Variants in RSPO4 observed in about 807,000 individuals in gnomAD.
RSPO4 encodes the protein R-spondin 4, also known as R-spondin-4.
RSPO4 carries 23 observed loss-of-function variants against 24.8 expected under a neutral mutation model. That is an observed-to-expected ratio of 0.93 (90% CI 0.67 to 1.31). RSPO4 has a LOEUF of 1.31. RSPO4 is among the 40% of genes most tolerant of loss of function. The probability of loss-of-function intolerance (pLI) is 0.00; values close to 1 mark genes in which losing one functional copy is unlikely to be tolerated. For synonymous variants in RSPO4, 141 were observed against 127.4 expected (o/e 1.11, Z -0.72); for missense variants, 333 against 316.5 (o/e 1.05, Z -0.39).
At chr20:997,898 C>G (rs1054168263) in intron 1 of RSPO4, among the ~76,000 whole-genome samples, 1 of 152,200 alleles carries the variant, frequency 6.6e-6, no homozygotes, top group Non-Finnish European at 1.5e-5. Context: ...CGTGAGACCC[C>G]ACTCCCTTCC....
At chr20:972,908 T>C (rs1749895644) in intron 1 of RSPO4, among the ~76,000 whole-genome samples, 1 of 152,236 alleles carries the variant, frequency 6.6e-6, no homozygotes. Context: ...AGAATAGGAC[T>C]TCAAATTACA....
Position 979,678 on chromosome 20 carries a change from C to T in RSPO4, c.80-11540G>A, listed in dbSNP as rs564808494. Among the ~76,000 whole-genome samples, 11 of 152,300 alleles carry T rather than the reference C, an allele frequency of 7.2e-5. No individual in the cohort carries two copies. The South Asian group carries it at 2.1e-3, about 29-fold the overall frequency. On this transcript the variant is annotated intron_variant, in intron 1 of 4. Coordinates refer to ENST00000217260, the MANE Select transcript of RSPO4 (RefSeq NM_001029871.4). ...CTATCTTGAGGCTGCCCAAATCTTG[C>T]TCTGTTCAAAAGTTCCCCAACTAAT...
At chr20:979,676 T>G (rs1984678400) in intron 1 of RSPO4, among the ~76,000 whole-genome samples, 1 of 152,198 alleles carries the variant, frequency 6.6e-6, no homozygotes, top group Admixed American at 6.5e-5. Context: ...GCCCAAATCT[T>G]GCTCTGTTCA....
At chr20:1,001,061 A>C (rs1390508506) in intron 1 of RSPO4, among the ~76,000 whole-genome samples, 1 of 152,242 alleles carries the variant, frequency 6.6e-6, no homozygotes, top group Non-Finnish European at 1.5e-5. Context: ...AGAAGACACC[A>C]GCTGGACAAT....
intron 3 of RSPO4, 57 bp from the exon 4 acceptor site, chr20:964,177 G>C (rs530896878): frequency 4.8e-6 from 7 of 1,458,200 alleles, no homozygotes; most frequent in African/African-American, 1.4e-5. Context: ...CGGCAGTGAG[G>C]GTCCTTCAGA....
intron 1 of RSPO4, among the ~76,000 whole-genome samples, chr20:974,277 C>T (rs538563175): frequency 1.3e-5 from 2 of 152,220 alleles, no homozygotes; most frequent in South Asian, 4.1e-4. Flanking sequence ...TGAGAACTGG[C>T]CCCAGTAATC....
intron 1 of RSPO4, among the ~76,000 whole-genome samples, chr20:995,014 T>A (rs1985231530): frequency 6.6e-6 from 1 of 152,288 alleles, no homozygotes; most frequent in African/African-American, 2.4e-5. Context: ...CAATTCAAGT[T>A]TTGCCTTCAC....
At chr20:1,000,627 T>C (rs1279174984) in intron 1 of RSPO4, among the ~76,000 whole-genome samples, 2 of 152,152 alleles carry the variant, frequency 1.3e-5, no homozygotes, top group Non-Finnish European at 2.9e-5. Flanking sequence ...AAAGTGAGGA[T>C]TGGACAGGCA....
At chr20:975,085 G>A (rs1984521461) in intron 1 of RSPO4, among the ~76,000 whole-genome samples, 1 of 152,090 alleles carries the variant, frequency 6.6e-6, no homozygotes, top group Non-Finnish European at 1.5e-5. Flanking sequence ...CACTTGAGCT[G>A]GTTTTCTTCT....
intron 1 of RSPO4, among the ~76,000 whole-genome samples, chr20:982,350 A>G (rs1984763331): frequency 6.6e-6 from 1 of 152,246 alleles, no homozygotes; most frequent in Non-Finnish European, 1.5e-5. Context: ...GTGACCTTGT[A>G]TAAGAAATTG....
At chr20:985,828 G>A (rs1006275966) in intron 1 of RSPO4, among the ~76,000 whole-genome samples, 3 of 151,822 alleles carry the variant, frequency 2.0e-5, no homozygotes, top group African/African-American at 7.3e-5. Context: ...GCCCAGGTGG[G>A]CTCATGGTTT....
At chr20:972,312 T>C (rs1984431917) in intron 1 of RSPO4, among the ~76,000 whole-genome samples, 1 of 152,210 alleles carries the variant, frequency 6.6e-6, no homozygotes, top group Non-Finnish European at 1.5e-5. Flanking sequence ...GCAATCCTCC[T>C]GTCTCAGACT....
intron 1 of RSPO4, among the ~76,000 whole-genome samples, chr20:990,220 G>A (rs571977014): frequency 4.6e-5 from 7 of 152,294 alleles, no homozygotes; most frequent in African/African-American, 1.2e-4. Context: ...AAAGTCATAC[G>A]TCTCTCAGGT....
chr20:964,815 CACACACACACACACACATAT>C (rs1162450651), intron 3 of RSPO4, among the ~76,000 whole-genome samples: 1 of 82,642 alleles, frequency 1.2e-5, no homozygotes, highest in Admixed American at 1.5e-4. Context: ...TACACACACA[CACACACACACACACACATAT>C]ATATATATAT....
chr20:975,322 T>G (rs1365350927), intron 1 of RSPO4, among the ~76,000 whole-genome samples: 2 of 152,102 alleles, frequency 1.3e-5, no homozygotes, highest in Non-Finnish European at 2.9e-5. Context: ...GATGCACATT[T>G]TAAAAGCATT....
At chr20:1,000,847 C>A (rs1304716597) in intron 1 of RSPO4, among the ~76,000 whole-genome samples, 1 of 152,192 alleles carries the variant, frequency 6.6e-6, no homozygotes, top group Non-Finnish European at 1.5e-5. Context: ...GAACTGGAGC[C>A]TCTTGGGCCA....
intron 1 of RSPO4, among the ~76,000 whole-genome samples, chr20:990,947 C>T (rs903420823): frequency 6.6e-6 from 1 of 152,162 alleles, no homozygotes; most frequent in Non-Finnish European, 1.5e-5. Context: ...CAGGAAGGGG[C>T]GTGGACAGAG....
intron 1 of RSPO4, among the ~76,000 whole-genome samples, chr20:982,503 G>A (rs1269251514): frequency 6.6e-6 from 1 of 152,176 alleles, no homozygotes; most frequent in Admixed American, 6.5e-5. Flanking sequence ...CTTTGAAAAA[G>A]TTGCTGACAG....
chr20:962,590 G>C (rs781552094), intron 4 of RSPO4, among the ~76,000 whole-genome samples: 3 of 152,010 alleles, frequency 2.0e-5, no homozygotes, highest in Non-Finnish European at 4.4e-5. Flanking sequence ...AGGTTCTCTG[G>C]TTCCACCTCA....
Sources: gnomAD v4.1 joint callset for allele counts (sites outside exome capture counted in the v4.1 genomes callset) on GRCh38, gnomAD v4.1.1 for gene constraint, MANE v1.5 for transcripts, NCBI Gene and HGNC (gene_info 2026-07-23, HGNC 2026-07-21) for gene names.